The following SEL1L3 variants were observed in gnomAD, a reference collection of about 807,000 sequenced individuals.
SEL1L3 encodes protein sel-1 homolog 3.
Under a neutral mutation model 142.8 loss-of-function variants are expected in SEL1L3, and 76 were observed. The observed-to-expected ratio is 0.53, with a 90% CI of 0.44 to 0.64. The LOEUF (loss-of-function observed/expected upper bound fraction) is 0.64, where lower values mean the gene tolerates loss of function less well. SEL1L3 is among the 30% of genes least tolerant of loss of function. The pLI is 0.00. For missense variants in SEL1L3, 1,262 were observed against 1,381.7 expected, an observed-to-expected ratio of 0.91 and a Z score of 1.37; for synonymous variants, 504 against 519.6, an observed-to-expected ratio of 0.97 and a Z score of 0.41.
chr4:25,760,162 A>T (rs1460049772), intron 20 of SEL1L3, among the ~76,000 whole-genome samples: 1 of 152,108 alleles, frequency 6.6e-6, no homozygotes, highest in Non-Finnish European at 1.5e-5. Flanking sequence ...ACTAAGCGAG[A>T]ATATGTGGTG....
At chr4:25,830,568 A>T (rs16877629) in intron 5 of SEL1L3, among the ~76,000 whole-genome samples, 1 of 152,250 alleles carries the variant, frequency 6.6e-6, no homozygotes, top group East Asian at 1.9e-4. Flanking sequence ...TGTTCTTCAC[A>T]CACTGCTGTT....
intron 11 of SEL1L3, among the ~76,000 whole-genome samples, chr4:25,791,775 T>C (rs1306386278): frequency 3.9e-5 from 6 of 152,144 alleles, no homozygotes; most frequent in Admixed American, 1.3e-4. Context: ...TTAATGGGTG[T>C]GGTGGTACAC....
chr4:25,827,738 G>C (rs1215498884), intron 6 of SEL1L3, among the ~76,000 whole-genome samples: 1 of 152,154 alleles, frequency 6.6e-6, no homozygotes, highest in East Asian at 1.9e-4. Context: ...AGATCTCTGG[G>C]ATTGAAGAGG....
chr4:25,757,683 C>A lies in SEL1L3; in HGVS notation c.3186+5G>T, dbSNP rs1718083482. The stretch of plus-strand genomic sequence containing the variant: ...AGGGTGGGGCCGGTGGGACATGAAA[C>A]CTACCAGGGCTGAGTGCAGGATAGC... On this transcript the variant is annotated splice_donor_5th_base_variant and intron_variant, in intron 22 of 23. Coordinates refer to ENST00000399878, the MANE Select transcript of SEL1L3 (RefSeq NM_015187.5). The A allele has an allele frequency of 6.3e-7, 1 of 1,583,042 alleles. No individual in the cohort carries two copies. Among genetic ancestry groups the A allele is most frequent in the Non-Finnish European group, 8.6e-7 (1 of 1,164,828 alleles).
intron 1 of SEL1L3, among the ~76,000 whole-genome samples, chr4:25,852,378 TCTAGA>T (rs1314023275): frequency 1.1e-4 from 17 of 152,294 alleles, no homozygotes; most frequent in Non-Finnish European, 2.4e-4. Context: ...TCCTGGAAAC[TCTAGA>T]CTAAATTCTG....
chr4:25,862,558 A>T, intron 1 of SEL1L3, 117 bp downstream of exon 1: 1 of 451,542 alleles, frequency 2.2e-6, no homozygotes, highest in Non-Finnish European at 3.4e-6. Context: ...GCGACGAGGA[A>T]GAGAGAAAAC....
intron 20 of SEL1L3, among the ~76,000 whole-genome samples, chr4:25,761,689 G>A (rs547234911): frequency 6.6e-5 from 10 of 152,190 alleles, no homozygotes; most frequent in Non-Finnish European, 1.0e-4. Context: ...AATGTAAAAA[G>A]TAAATTATCA....
At chr4:25,738,962 T>C in the SEL1L3 span, among the ~76,000 whole-genome samples, 1 of 151,952 alleles carries the variant, frequency 6.6e-6, no homozygotes, top group South Asian at 2.1e-4. Flanking sequence ...TCCCAGCACT[T>C]TGGGAGGCCG....
the SEL1L3 span, among the ~76,000 whole-genome samples, chr4:25,714,555 C>G: frequency 3.3e-4 from 22 of 65,864 alleles, no homozygotes; most frequent in Admixed American, 1.5e-3. Context: ...TTTCTTTCTT[C>G]TTTCTTTCTT....
At chr4:25,790,818 GGGAA>G (rs543019082) in intron 11 of SEL1L3, among the ~76,000 whole-genome samples, 14 of 140,076 alleles carry the variant, frequency 1.0e-4, no homozygotes, top group African/African-American at 2.4e-4. Context: ...GAAGAAAGGA[GGGAA>G]GGAAGGAAGG....
chr4:25,776,323 C>T lies in SEL1L3; in HGVS notation c.2623G>A (p.Gly875Ser). The T allele has an allele frequency of 6.2e-7, 1 of 1,612,638 alleles. No individual in the cohort carries two copies. The highest frequency in any genetic ancestry group is 1.7e-5 in the Admixed American group (1 of 59,936). The change falls in exon 17 of 24, where the codon GGC (glycine) becomes AGC (serine). Residue 875 changes from glycine to serine, a missense_variant. Physicochemically the swap from Gly to Ser is moderately conservative, Grantham distance 56 (BLOSUM62 0). Coordinates refer to ENST00000399878, the MANE Select transcript of SEL1L3 (RefSeq NM_015187.5). Reference sequence around the variant, plus strand: ...TTGAGGCCTTTGCGGATGACATGGCCCAAGTAGCCATTTTTCTCAGCTACA... The same window carrying T: ...TTGAGGCCTTTGCGGATGACATGGCTCAAGTAGCCATTTTTCTCAGCTACA... ...KHVAEKNGYLGHVIRKGLNAY... is the reference protein window; with the variant it reads ...KHVAEKNGYLSHVIRKGLNAY...
At chr4:25,832,870 G>A in intron 5 of SEL1L3, 125 bp downstream of exon 5, 1 of 627,656 alleles carries the variant, frequency 1.6e-6, no homozygotes, top group Non-Finnish European at 2.9e-6. Context: ...GCGTGTAGTT[G>A]TAACGAGTCT....
chr4:25,847,320 C>G lies in SEL1L3; in HGVS notation c.707G>C (p.Arg236Thr). The change falls in exon 2 of 24, where the codon AGG becomes ACG. Residue 236 changes from arginine (R) to threonine (T), a missense_variant. This residue lies in a region of SEL1L3 where 689 missense variants were observed against 692.8 expected (regional missense o/e 0.99). Transcript: ENST00000399878. ...MGYIWNLRANRIPQCPLENDV... is the reference protein window; with the variant it reads ...MGYIWNLRANTIPQCPLENDV... ...ATTTTCCAGAGGACACTGTGGAATC[C>G]TGTTTGCCCGAAGGTTCCAAATATA... 1 of 1,613,538 alleles carries G rather than the reference C, an allele frequency of 6.2e-7. No homozygotes were observed. Among genetic ancestry groups the G allele is most frequent in the South Asian group, 1.1e-5 (1 of 90,986 alleles).
At chr4:25,854,221 A>C (rs1345200990) in intron 1 of SEL1L3, among the ~76,000 whole-genome samples, 1 of 152,184 alleles carries the variant, frequency 6.6e-6, no homozygotes, top group African/African-American at 2.4e-5. Context: ...GGTTACAAAA[A>C]CAGGCAGCTG....
chr4:25,765,413 A>G lies in SEL1L3; in HGVS notation c.2868T>C (p.Leu956=). 6.2e-7 allele frequency: 1 copy of G among 1,612,324 alleles called. No homozygotes were observed. Among genetic ancestry groups the G allele is most frequent in the Non-Finnish European group, 8.5e-7 (1 of 1,178,364 alleles). The change falls in exon 20 of 24, where the codon CTT becomes CTC. Residue 956 remains leucine, a synonymous_variant. Coordinates refer to ENST00000399878, the MANE Select transcript of SEL1L3 (RefSeq NM_015187.5). The part of the protein sequence containing the change: ...PSFAYLKMGD[L]YYYGHQNQSQ... ...ACTGGTTTTGGTGGCCATAGTAGTA[A>G]AGGTCTCCCATCTTCAAATATGCTG...
At chr4:25,780,988 G>A (rs1719963439) in intron 15 of SEL1L3, among the ~76,000 whole-genome samples, 1 of 151,396 alleles carries the variant, frequency 6.6e-6, no homozygotes, top group Non-Finnish European at 1.5e-5. Flanking sequence ...ACCACACCTG[G>A]ATAATTTCTG....
At chr4:25,721,208 TTG>T in the SEL1L3 span, among the ~76,000 whole-genome samples, 1 of 130,460 alleles carries the variant, frequency 7.7e-6, no homozygotes, top group African/African-American at 3.6e-5. Context: ...GGATATAAGC[TTG>T]GAACTTTTTT....
chr4:25,837,075 CCTT>C (rs2109292539), intron 2 of SEL1L3, among the ~76,000 whole-genome samples: 2 of 151,904 alleles, frequency 1.3e-5, no homozygotes, highest in East Asian at 3.9e-4. Flanking sequence ...CACTTGAAAC[CCTT>C]TGTTTTTTCA....
At position 25,822,015 on chromosome 4, in the gene SEL1L3, C is replaced by T. The variant is rs374958684; in HGVS notation, c.1271G>A (p.Arg424His). The change falls in exon 7 of 24, where the codon CGC (arginine) becomes CAC (histidine). Residue 424 changes from arginine to histidine, a missense_variant. Coordinates refer to ENST00000399878, the MANE Select transcript of SEL1L3 (RefSeq NM_015187.5). Reference protein sequence around the residue: ...FFGPLKYYRLRSLHPAQIFNP... With the variant: ...FFGPLKYYRLHSLHPAQIFNP... ...ACTCACCTGGGCGGGGTGCAGACTG[C>T]GAAGGCGATAGTACTTCAGGGGTCC... 9.0e-5 allele frequency: 146 copies of T among 1,613,680 alleles called. No homozygotes were observed. Among genetic ancestry groups the T allele is most frequent in the African/African-American group, 8.8e-4 (66 of 74,988 alleles).
Sources: allele counts gnomAD v4.1 joint callset (sites outside exome capture counted in the v4.1 genomes callset), GRCh38; gene constraint gnomAD v4.1.1; regional missense constraint gnomAD v4.1.1; transcripts MANE v1.5; gene names NCBI Gene and HGNC (gene_info 2026-07-23, HGNC 2026-07-21).